CELF2: variants seen among roughly 807,000 people sequenced by gnomAD.
CELF2 encodes CUG triplet repeat RNA-binding protein 2.
CELF2 carries 8 observed loss-of-function variants against 62.6 expected under a neutral mutation model. The ratio of observed to expected loss-of-function variants is 0.13; its 90% confidence interval spans 0.07 to 0.23. The LOEUF (loss-of-function observed/expected upper bound fraction) is 0.23, where lower values mean the gene tolerates loss of function less well. CELF2 is among the 10% of genes least tolerant of loss of function. CELF2 has a pLI of 1.00. For synonymous variants in CELF2, 258 were observed against 250.0 expected (o/e 1.03, Z -0.30); for missense variants, 333 against 671.0 (o/e 0.50, Z 5.56).
At chr10:10,674,008 A>G in the CELF2 span, among the ~76,000 whole-genome samples, 5 of 152,190 alleles carry the variant, frequency 3.3e-5, no homozygotes, top group African/African-American at 1.2e-4. Flanking sequence ...CTGCTCTTGG[A>G]TCAAGTAATT....
At position 10,831,659 on chromosome 10, in the gene CELF2, C is replaced by A. The variant is rs538125602; in HGVS notation, c.53+32842C>A. ...AGGGAGACCAGTACAATGCCTGGAA[C>A]ATGGTAGGCATTTAAATAAATATTT... On this transcript the variant is annotated intron_variant, in intron 1 of 13. Transcript: ENST00000636488. 5.9e-5 allele frequency among the ~76,000 whole-genome samples: 9 copies of A among 152,320 alleles called. 1 individual carries two copies. In the South Asian group the frequency reaches 1.9e-3, roughly 32 times the overall value.
At chr10:10,480,119 T>C in the CELF2 span, among the ~76,000 whole-genome samples, 5 of 152,208 alleles carry the variant, frequency 3.3e-5, no homozygotes, top group Non-Finnish European at 1.5e-5. Flanking sequence ...CTTCACCACA[T>C]AGCTCGGTGG....
At chr10:10,722,049 T>A in the CELF2 span, among the ~76,000 whole-genome samples, 1 of 152,186 alleles carries the variant, frequency 6.6e-6, no homozygotes, top group African/African-American at 2.4e-5. Context: ...ATGCCTGTAA[T>A]CCCAGCACTT....
chr10:10,767,209 C>A, the CELF2 span, among the ~76,000 whole-genome samples: 1 of 151,978 alleles, frequency 6.6e-6, no homozygotes, highest in African/African-American at 2.4e-5. Flanking sequence ...ACCAACAGTA[C>A]CGCCACCACC....
At chr10:10,468,805 T>C in the CELF2 span, among the ~76,000 whole-genome samples, 1 of 152,014 alleles carries the variant, frequency 6.6e-6, no homozygotes, top group East Asian at 1.9e-4. Flanking sequence ...ACTATCCCCA[T>C]AAACTTTACA....
intron 5 of CELF2, among the ~76,000 whole-genome samples, chr10:11,259,342 C>G (rs925621955): frequency 2.0e-5 from 3 of 151,906 alleles, no homozygotes; most frequent in South Asian, 4.1e-4. Flanking sequence ...CTCCAGAGCC[C>G]CAGCATGAAG....
intron 2 of CELF2, among the ~76,000 whole-genome samples, chr10:10,976,401 G>T (rs780820532): frequency 2.0e-5 from 3 of 152,182 alleles, no homozygotes; most frequent in Non-Finnish European, 4.4e-5. Context: ...GGGCTCTGTT[G>T]TAGACAGAGT....
intron 3 of CELF2, among the ~76,000 whole-genome samples, chr10:11,230,685 A>G (rs2068320937): frequency 6.6e-6 from 1 of 152,198 alleles, no homozygotes; most frequent in African/African-American, 2.4e-5. Context: ...CCTCCCAACC[A>G]TCCTCTAAAT....
At chr10:11,176,800 T>G (rs1269774144) in intron 2 of CELF2, among the ~76,000 whole-genome samples, 3 of 152,186 alleles carry the variant, frequency 2.0e-5, no homozygotes, top group African/African-American at 7.2e-5. Context: ...TACTTTTGGG[T>G]AATTTTTTCA....
chr10:11,009,535 CTGAT>C (rs1177118454), intron 1 of CELF2, among the ~76,000 whole-genome samples: 2 of 152,142 alleles, frequency 1.3e-5, no homozygotes, highest in African/African-American at 4.8e-5. Context: ...GAGTGTGTGA[CTGAT>C]CCGGCACATT....
Position 11,270,875 on chromosome 10 carries a change from A to G in CELF2, c.777+51A>G, listed in dbSNP as rs2083545279. Reference sequence around the variant, plus strand: ...GTCTTCACCCGCTGAAACTCTGCAAACTGACTTTTCCCCTCCCTACGCTGA... The same window carrying G: ...GTCTTCACCCGCTGAAACTCTGCAAGCTGACTTTTCCCCTCCCTACGCTGA... On this transcript the variant is annotated intron_variant, in intron 7 of 12. Coordinates refer to ENST00000633077, the MANE Select transcript of CELF2 (RefSeq NM_001326342.2). This position sits in a 1 kb window ranked among gnomAD's most constrained non-coding sequence, Gnocchi z 5.8. 7.5e-7 allele frequency: 1 copy of G among 1,331,802 alleles called. No homozygotes were observed. Among genetic ancestry groups the G allele is most frequent in the Non-Finnish European group, 9.7e-7 (1 of 1,028,700 alleles). 82.5% of individuals were successfully genotyped at this position (1,331,802 alleles called of 1,614,324 possible). A position where few individuals can be genotyped will look rare whatever the true frequency, so the allele number is the denominator to read the frequency against.
At chr10:10,948,994 A>T (rs1321996191) in intron 2 of CELF2, among the ~76,000 whole-genome samples, 1 of 152,108 alleles carries the variant, frequency 6.6e-6, no homozygotes, top group Non-Finnish European at 1.5e-5. Context: ...CACTGCCTGG[A>T]CCTAGGTTCC....
intron 2 of CELF2, chr10:10,920,127 C>G: frequency 3.4e-6 from 2 of 586,970 alleles, no homozygotes; most frequent in South Asian, 1.8e-4. Context: ...ATACCTCATA[C>G]ATCACCATGT....
At chr10:10,621,482 C>G in the CELF2 span, among the ~76,000 whole-genome samples, 1 of 152,134 alleles carries the variant, frequency 6.6e-6, no homozygotes, top group Non-Finnish European at 1.5e-5. Flanking sequence ...AGAGTTGAGA[C>G]AATCATGAGA....
At chr10:11,052,150 G>T (rs1237408463) in intron 1 of CELF2, among the ~76,000 whole-genome samples, 1 of 152,044 alleles carries the variant, frequency 6.6e-6, no homozygotes, top group Non-Finnish European at 1.5e-5. Flanking sequence ...TGTCTAGGCT[G>T]GTCTTGAATT....
chr10:11,197,025 A>G (rs4994902), intron 2 of CELF2, among the ~76,000 whole-genome samples: 365 of 26,100 alleles, frequency 0.014, 70 homozygotes, highest in Middle Eastern at 0.045. Context: ...AGAAAGAAAG[A>G]AAAGAAAGAA....
chr10:10,916,083 G>T (rs907833330), intron 1 of CELF2, among the ~76,000 whole-genome samples: 3 of 152,200 alleles, frequency 2.0e-5, no homozygotes, highest in Admixed American at 6.5e-5. Flanking sequence ...AGAAGCATGG[G>T]ATATTCTGCT....
At chr10:10,620,629 G>C in the CELF2 span, among the ~76,000 whole-genome samples, 1 of 152,082 alleles carries the variant, frequency 6.6e-6, no homozygotes, top group Non-Finnish European at 1.5e-5. Context: ...GAGGCAGGGC[G>C]TGGTGGCTCA....
At chr10:10,959,031 C>T (rs544925876) in intron 2 of CELF2, among the ~76,000 whole-genome samples, 83 of 152,140 alleles carry the variant, frequency 5.5e-4, no homozygotes, top group African/African-American at 1.8e-3. Flanking sequence ...CCGAGGTAGG[C>T]GGATCTTTTG....
Sources: allele counts gnomAD v4.1 joint callset (sites outside exome capture counted in the v4.1 genomes callset), GRCh38; gene constraint gnomAD v4.1.1; non-coding constraint Gnocchi (gnomAD v3.1); transcripts MANE v1.5; gene names NCBI Gene and HGNC (gene_info 2026-07-23, HGNC 2026-07-21).